SMARCAL1: variants seen among roughly 807,000 people sequenced by gnomAD.
SMARCAL1 encodes the protein SNF2 related chromatin remodeling annealing helicase 1.
Under a neutral mutation model 94.5 loss-of-function variants are expected in SMARCAL1, and 58 were observed. That is an observed-to-expected ratio of 0.61 (90% CI 0.50 to 0.76). The LOEUF (loss-of-function observed/expected upper bound fraction) is 0.76. Among genes scored for constraint, SMARCAL1 ranks in the 30% least tolerant of loss-of-function variants. The probability of loss-of-function intolerance (pLI) is 0.00; values close to 1 mark genes in which losing one functional copy is unlikely to be tolerated. For missense variants in SMARCAL1, 1,051 were observed against 1,177.9 expected (o/e 0.89, Z 1.58); for synonymous variants, 422 against 455.1 (o/e 0.93, Z 0.93).
At chr2:216,478,631 CCA>C (rs1695138923) in intron 17 of SMARCAL1, among the ~76,000 whole-genome samples, 5 of 152,202 alleles carry the variant, frequency 3.3e-5, no homozygotes. Flanking sequence ...CATAGGGCTG[CCA>C]CAGGAATGCA....
intron 12 of SMARCAL1, among the ~76,000 whole-genome samples, 172 bp from the exon 13 acceptor site, chr2:216,464,425 A>C (rs1694784455): frequency 6.6e-6 from 1 of 152,208 alleles, no homozygotes; most frequent in African/African-American, 2.4e-5. Flanking sequence ...CGACCCAGGC[A>C]GTTCTTCTGA....
At chr2:216,446,908 C>T (rs1694327710) in intron 10 of SMARCAL1, 110 bp from the exon 11 acceptor site, 1 of 1,273,656 alleles carries the variant, frequency 7.9e-7, no homozygotes, top group Non-Finnish European at 1.1e-6. Flanking sequence ...TCGCGACACG[C>T]ACGCGGTCTT....
chr2:216,438,431 C>T lies in SMARCAL1; in HGVS notation c.1656C>T (p.His552=). The change falls in exon 10 of 18, where the codon CAC becomes CAT. Residue 552 remains histidine, a synonymous_variant. Transcript: ENST00000357276. ...CTACTTCTTTTCAGGATGAATCTCA[C>T]TTCCTCAAAAACAGTAGGACTGCCC... ...PFKVVIIDES[H]FLKNSRTARC... is the part of the protein sequence containing the mutation. 6.2e-7 allele frequency: 1 copy of T among 1,614,006 alleles called. No homozygotes were observed.
chr2:216,418,272 C>T (rs576763787), intron 4 of SMARCAL1, among the ~76,000 whole-genome samples: 1 of 152,082 alleles, frequency 6.6e-6, no homozygotes, highest in Admixed American at 6.6e-5. Flanking sequence ...TTATTGGATA[C>T]AAAATTCTCC....
chr2:216,430,707 G>A (rs1205649671), intron 7 of SMARCAL1, among the ~76,000 whole-genome samples: 1 of 152,162 alleles, frequency 6.6e-6, no homozygotes, highest in Non-Finnish European at 1.5e-5. Context: ...CTAAGGATGC[G>A]GATAGACCAA....
intron 10 of SMARCAL1, among the ~76,000 whole-genome samples, chr2:216,444,458 C>T (rs1694261645): frequency 6.6e-6 from 1 of 151,802 alleles, no homozygotes; most frequent in Non-Finnish European, 1.5e-5. Flanking sequence ...AAACTTAAGA[C>T]TTCAGCTCTT....
intron 13 of SMARCAL1, among the ~76,000 whole-genome samples, chr2:216,466,322 C>T (rs1264240794): frequency 2.6e-5 from 4 of 152,128 alleles, no homozygotes. Flanking sequence ...TTTGTAGTTT[C>T]CAAACATTTT....
chr2:216,415,307 G>A lies in SMARCAL1; in HGVS notation c.603G>A (p.Gly201=), dbSNP rs35048226. 1.9e-6 allele frequency: 3 copies of A among 1,614,254 alleles called. 1 individual carries two copies. Among genetic ancestry groups the A allele is most frequent in the South Asian group, 2.2e-5 (2 of 91,092 alleles). The change falls in exon 3 of 18, where the codon GGG becomes GGA. Residue 201 remains glycine, a synonymous_variant. Coordinates refer to ENST00000357276, the MANE Select transcript of SMARCAL1 (RefSeq NM_014140.4). ...EAKTAKASPS[G]QNISYIHSSS... ...AGACAGCAAAAGCCTCCCCTTCGGG[G>A]CAGAACATTTCTTACATCCATTCTA...
intron 10 of SMARCAL1, among the ~76,000 whole-genome samples, chr2:216,446,019 A>G (rs1180569607): frequency 1.3e-5 from 2 of 152,214 alleles, no homozygotes; most frequent in Non-Finnish European, 2.9e-5. Flanking sequence ...TTTCTAGACA[A>G]CTGAGCTCCA....
intron 7 of SMARCAL1, among the ~76,000 whole-genome samples, chr2:216,430,140 G>A (rs1008298089): frequency 7.9e-5 from 12 of 152,092 alleles, no homozygotes; most frequent in African/African-American, 1.9e-4. Context: ...TGTGTGAGGC[G>A]CCCCAGGGCA....
intron 6 of SMARCAL1, among the ~76,000 whole-genome samples, chr2:216,426,434 A>C (rs549625965): frequency 1.6e-4 from 25 of 152,326 alleles, no homozygotes; most frequent in African/African-American, 6.0e-4. Flanking sequence ...CCCAGAAAAA[A>C]ATGCACATAA....
At position 216,413,849 on chromosome 2, in the gene SMARCAL1, C is replaced by T. The variant is rs955490470; in HGVS notation, c.-95-7C>T. The T allele has an allele frequency of 6.6e-6, 1 of 152,104 alleles. No homozygotes were observed. Among genetic ancestry groups the T allele is most frequent in the African/African-American group, 2.4e-5 (1 of 41,392 alleles). The allele number at this position is 152,104 out of a possible 1,614,324, so 9.4% of individuals were successfully genotyped here. A position where few individuals can be genotyped will look rare whatever the true frequency, so the allele number is the denominator to read the frequency against. On this transcript the variant is annotated splice_region_variant and splice_polypyrimidine_tract_variant and intron_variant, in intron 1 of 17. Transcript: ENST00000357276. Reference sequence around the variant, plus strand: ...ATGGGAGGCTAATGCTTTTTTCCTTCTTCTAGGTTGGAAAAAGACTATGTT... The same window carrying T: ...ATGGGAGGCTAATGCTTTTTTCCTTTTTCTAGGTTGGAAAAAGACTATGTT...
chr2:216,413,018 G>A (rs1218163155), intron 1 of SMARCAL1: 2 of 152,450 alleles, frequency 1.3e-5, no homozygotes, highest in African/African-American at 4.8e-5. Context: ...TTAGGCAGGA[G>A]TGTGTTACCC....
At chr2:216,457,898 C>G (rs922558238) in intron 12 of SMARCAL1, among the ~76,000 whole-genome samples, 12 of 152,064 alleles carry the variant, frequency 7.9e-5, no homozygotes, top group Non-Finnish European at 1.5e-4. Flanking sequence ...AATCCAGGAG[C>G]TGGTTTTTTG....
chr2:216,450,125 C>T (rs1427654098), intron 11 of SMARCAL1, among the ~76,000 whole-genome samples: 1 of 152,206 alleles, frequency 6.6e-6, no homozygotes, highest in Admixed American at 6.5e-5. Flanking sequence ...GCTGGGATTA[C>T]AGGCGTGAGC....
chr2:216,450,993 G>C lies in SMARCAL1; in HGVS notation c.1999G>C (p.Gly667Arg). ...GCGCAAGATAGTGGTGATTGCCCCA[G>C]GACGGATCAATGCCAGGACCAGAGC... ...KQRKIVVIAP[G>R]RINARTRAAL... Residue 667 changes from glycine (G) to arginine (R), a missense_variant, in exon 12 of 18, where the codon GGA (glycine) becomes CGA (arginine). By Grantham distance (125) the Gly-to-Arg change is moderately radical. This residue lies in a region of SMARCAL1 where 642 missense variants were observed against 754.7 expected (regional missense o/e 0.85). Coordinates refer to ENST00000357276, the MANE Select transcript of SMARCAL1 (RefSeq NM_014140.4). 6.2e-7 allele frequency: 1 copy of C among 1,614,192 alleles called. No homozygotes were observed. Among genetic ancestry groups the C allele is most frequent in the Non-Finnish European group, 8.5e-7 (1 of 1,180,024 alleles).
At chr2:216,471,900 T>C (rs1694974297) in intron 14 of SMARCAL1, among the ~76,000 whole-genome samples, 1 of 152,194 alleles carries the variant, frequency 6.6e-6, no homozygotes, top group South Asian at 2.1e-4. Flanking sequence ...CCATAAAATA[T>C]AATGTTGATC....
At position 216,415,104 on chromosome 2, in the gene SMARCAL1, C is replaced by G. The variant is rs1265232477; in HGVS notation, c.400C>G (p.Pro134Ala). 2 of 1,613,790 alleles carry G rather than the reference C, an allele frequency of 1.2e-6. No individual in the cohort carries two copies. The highest frequency in any genetic ancestry group is 2.7e-5 in the African/African-American group (2 of 74,856). ...PPLAQSPPEV[P>A]KQQLLSYELG... ...CTTGGCACAAAGTCCTCCAGAGGTC[C>G]CTAAACAACAGCTCTTGAGTTATGA... is the stretch of plus-strand genomic sequence containing the variant. The change falls in exon 3 of 18, where the codon CCT becomes GCT. Residue 134 changes from proline to alanine, a missense_variant. Transcript: ENST00000357276.
chr2:216,466,444 C>T (rs1477905854), intron 13 of SMARCAL1, among the ~76,000 whole-genome samples: 1 of 152,308 alleles, frequency 6.6e-6, no homozygotes, highest in African/African-American at 2.4e-5. Context: ...CTCTCTGGAC[C>T]TCAGAGTCAC....
Sources: allele counts gnomAD v4.1 joint callset (sites outside exome capture counted in the v4.1 genomes callset), GRCh38; gene constraint gnomAD v4.1.1; regional missense constraint gnomAD v4.1.1; transcripts MANE v1.5; gene names NCBI Gene and HGNC (gene_info 2026-07-23, HGNC 2026-07-21).